The following SPTLC2 variants were observed in gnomAD, a reference collection of about 807,000 sequenced individuals.
SPTLC2 encodes the protein serine palmitoyltransferase long chain base subunit 2.
Under a neutral mutation model 62.0 loss-of-function variants are expected in SPTLC2, and 21 were observed. That is an observed-to-expected ratio of 0.34 (90% CI 0.24 to 0.49). The LOEUF (loss-of-function observed/expected upper bound fraction) is 0.49, where lower values mean the gene tolerates loss of function less well. SPTLC2 is among the 20% of genes least tolerant of loss of function. SPTLC2 has a pLI of 0.99. For synonymous variants in SPTLC2, 261 were observed against 261.8 expected (o/e 1.00, Z 0.03); for missense variants, 511 against 713.0 (o/e 0.72, Z 3.23).
intron 2 of SPTLC2, among the ~76,000 whole-genome samples, chr14:77,594,862 G>C (rs1054249063): frequency 6.6e-6 from 1 of 152,078 alleles, no homozygotes; most frequent in Non-Finnish European, 1.5e-5. Flanking sequence ...TTTTTAGTTT[G>C]AATATTTAAA....
In SPTLC2 at chr14:77,555,351, T is replaced by C. The variant is rs1157515682; in HGVS notation, c.1125A>G (p.Gly375=). 1 of 1,613,978 alleles carries C rather than the reference T, an allele frequency of 6.2e-7. No individual in the cohort carries two copies. Among genetic ancestry groups the C allele is most frequent in the East Asian group, 2.2e-5 (1 of 44,874 alleles). ...AAGCACCAAAACTCTTTGTGAACGTTCCCATCATAACATCCACATCCTCGG... is the reference window on the plus strand; with the variant it reads ...AAGCACCAAAACTCTTTGTGAACGTCCCCATCATAACATCCACATCCTCGG... ...LDPEDVDVMM[G]TFTKSFGASG... Residue 375 remains glycine, a synonymous_variant, in exon 8 of 12, where the codon GGA becomes GGG. Transcript: ENST00000216484.
Position 77,597,526 on chromosome 14 carries a change from G to A in SPTLC2, c.133-146C>T. On this transcript the variant is annotated intron_variant, in intron 1 of 11. Coordinates refer to ENST00000216484, the MANE Select transcript of SPTLC2 (RefSeq NM_004863.4). ...GCACTGGCTCACACCTGTAATCCCA[G>A]CACTTTGGGAGGCTGAGGCGGGCAG... is the stretch of plus-strand genomic sequence containing the variant. 4 of 739,492 alleles carry A rather than the reference G, an allele frequency of 5.4e-6. No individual in the cohort carries two copies. In the South Asian group the frequency reaches 6.6e-5, roughly 12 times the overall value. 45.8% of individuals were successfully genotyped at this position (739,492 alleles called of 1,614,324 possible).
intron 9 of SPTLC2, among the ~76,000 whole-genome samples, chr14:77,530,173 C>T (rs2079430977): frequency 6.6e-6 from 1 of 152,130 alleles, no homozygotes; most frequent in African/African-American, 2.4e-5. Flanking sequence ...GTTATTACAT[C>T]ATTTCCAAGA....
chr14:77,560,366 G>T (rs987003191), intron 6 of SPTLC2, among the ~76,000 whole-genome samples: 1 of 152,082 alleles, frequency 6.6e-6, no homozygotes, highest in East Asian at 1.9e-4. Flanking sequence ...TGGGTGGATT[G>T]CTTGAGCCCA....
At chr14:77,518,649 A>G (rs1430794845) in intron 10 of SPTLC2, among the ~76,000 whole-genome samples, 1 of 152,034 alleles carries the variant, frequency 6.6e-6, no homozygotes, top group Non-Finnish European at 1.5e-5. Context: ...AGGCTTCAAA[A>G]TGAACCTGTA....
intron 9 of SPTLC2, among the ~76,000 whole-genome samples, chr14:77,539,274 A>C (rs1398438294): frequency 6.6e-6 from 1 of 151,966 alleles, no homozygotes; most frequent in African/African-American, 2.4e-5. Context: ...TTCTAGGGAG[A>C]TATTAAAGAC....
chr14:77,562,101 T>TA (rs2079617966), intron 6 of SPTLC2, among the ~76,000 whole-genome samples: 1 of 152,220 alleles, frequency 6.6e-6, no homozygotes, highest in Non-Finnish European at 1.5e-5. Flanking sequence ...TAAATACTGT[T>TA]AGTCTTATGG....
chr14:77,578,291 A>T lies in SPTLC2; in HGVS notation c.482+664T>A, dbSNP rs551807004. On this transcript the variant is annotated intron_variant, in intron 3 of 11. Coordinates refer to ENST00000216484, the MANE Select transcript of SPTLC2 (RefSeq NM_004863.4). ...TCAAAATATCCAGAAATAAATTTGG[A>T]TACTTGATTCTGATAAGTGGCATAA... Among the ~76,000 whole-genome samples, 10 of 152,242 alleles carry T rather than the reference A, an allele frequency of 6.6e-5. No homozygotes were observed. In the South Asian group the frequency reaches 2.1e-3, roughly 32 times the overall value.
intron 9 of SPTLC2, among the ~76,000 whole-genome samples, chr14:77,533,588 C>T (rs570880057): frequency 4.6e-5 from 7 of 152,274 alleles, no homozygotes; most frequent in East Asian, 1.9e-4. Context: ...CCAGGGCTTA[C>T]GATGTTCCAG....
At chr14:77,523,611 C>A (rs951810383) in intron 9 of SPTLC2, among the ~76,000 whole-genome samples, 1 of 152,100 alleles carries the variant, frequency 6.6e-6, no homozygotes, top group African/African-American at 2.4e-5. Flanking sequence ...AAGCAATAGG[C>A]CAAACAATTC....
intron 5 of SPTLC2, among the ~76,000 whole-genome samples, chr14:77,565,595 T>C (rs1412001501): frequency 2.6e-5 from 4 of 152,024 alleles, no homozygotes; most frequent in African/African-American, 9.7e-5. Flanking sequence ...CAGACCCAAA[T>C]TGGAGACATT....
At chr14:77,595,067 C>T (rs950346333) in intron 2 of SPTLC2, among the ~76,000 whole-genome samples, 1 of 152,018 alleles carries the variant, frequency 6.6e-6, no homozygotes, top group African/African-American at 2.4e-5. Context: ...GGGATCAAAA[C>T]GTATTAAAAA....
At chr14:77,556,314 A>C (rs1258797701) in intron 7 of SPTLC2, among the ~76,000 whole-genome samples, 12 of 144,012 alleles carry the variant, frequency 8.3e-5, no homozygotes, top group African/African-American at 3.1e-4. Flanking sequence ...TTCCATCTTA[A>C]AAAAAAAGCC....
Position 77,616,456 on chromosome 14 carries a change from C to G in SPTLC2, c.124G>C (p.Ala42Pro). The change falls in exon 1 of 12, where the codon GCC (alanine) becomes CCC (proline). Residue 42 changes from alanine to proline, a missense_variant. Ala to Pro is a conservative substitution (Grantham distance 27, BLOSUM62 -1). Transcript: ENST00000216484. ...GCGCGGGCCCCTCGTACCTGGCCGG[C>G]GGCGGCTGCGGCTGCGGCTGCAGCG... ...SSAAAAAAAA[A>P]GQIHHVTQNG... 1 of 1,485,978 alleles carries G rather than the reference C, an allele frequency of 6.7e-7. No individual in the cohort carries two copies. The highest frequency in any genetic ancestry group is 2.9e-5 in the East Asian group (1 of 34,776). 92.0% of individuals were successfully genotyped at this position (1,485,978 alleles called of 1,614,324 possible).
intron 6 of SPTLC2, among the ~76,000 whole-genome samples, chr14:77,561,085 T>C (rs1379082256): frequency 6.6e-6 from 1 of 151,830 alleles, no homozygotes; most frequent in African/African-American, 2.4e-5. Context: ...TAAAAATGTA[T>C]ACTCTTTTAA....
chr14:77,546,054 A>G (rs1226523039), intron 9 of SPTLC2, among the ~76,000 whole-genome samples: 1 of 152,238 alleles, frequency 6.6e-6, no homozygotes, highest in East Asian at 1.9e-4. Flanking sequence ...ACTCACAATT[A>G]AACTTTGGAA....
At chr14:77,534,702 G>T (rs1044268773) in intron 9 of SPTLC2, among the ~76,000 whole-genome samples, 3 of 151,020 alleles carry the variant, frequency 2.0e-5, no homozygotes, top group Non-Finnish European at 4.4e-5. Context: ...ACACAAAAAG[G>T]GGAGAACATA....
chr14:77,614,886 G>A (rs1455056244), intron 1 of SPTLC2, among the ~76,000 whole-genome samples: 8 of 150,644 alleles, frequency 5.3e-5, no homozygotes, highest in East Asian at 1.9e-4. Context: ...CAGGAGAATC[G>A]CTTGAACCCA....
intron 5 of SPTLC2, among the ~76,000 whole-genome samples, chr14:77,569,789 A>T (rs377503008): frequency 2.7e-5 from 2 of 75,358 alleles, no homozygotes; most frequent in Admixed American, 1.5e-4. Flanking sequence ...TGTAATATGT[A>T]ATATATATAA....
Sources: allele counts gnomAD v4.1 joint callset (sites outside exome capture counted in the v4.1 genomes callset), GRCh38; gene constraint gnomAD v4.1.1; transcripts MANE v1.5; gene names NCBI Gene and HGNC (gene_info 2026-07-23, HGNC 2026-07-21).